The following CSMD1 variants were observed in gnomAD, a reference collection of about 807,000 sequenced individuals.
CSMD1 encodes CUB and sushi domain-containing protein 1.
CSMD1 carries 213 observed loss-of-function variants against 417.5 expected under a neutral mutation model. That is an observed-to-expected ratio of 0.51 (90% CI 0.46 to 0.57). CSMD1 has a LOEUF of 0.57. CSMD1 is among the 20% of genes least tolerant of loss of function. The probability of loss-of-function intolerance (pLI) is 0.00; values close to 1 mark genes in which losing one functional copy is unlikely to be tolerated. For synonymous variants in CSMD1, 2,862 were observed against 1,736.8 expected (o/e 1.65, Z -16.11); for missense variants, 6,923 against 4,529.7 (o/e 1.53, Z -15.17).
At chr8:4,562,041 T>C (rs998624085) in intron 2 of CSMD1, among the ~76,000 whole-genome samples, 3 of 152,184 alleles carry the variant, frequency 2.0e-5, no homozygotes, top group Non-Finnish European at 4.4e-5. Context: ...GCCGTACATA[T>C]TCAATGCAGC....
chr8:3,092,079 G>A (rs150325882), intron 47 of CSMD1, among the ~76,000 whole-genome samples: 1 of 151,918 alleles, frequency 6.6e-6, no homozygotes, highest in Non-Finnish European at 1.5e-5. Flanking sequence ...TAAAATTGAA[G>A]GTTTAATTAT....
intron 2 of CSMD1, among the ~76,000 whole-genome samples, chr8:4,451,805 A>C (rs998714555): frequency 1.3e-5 from 2 of 152,084 alleles, no homozygotes; most frequent in Non-Finnish European, 2.9e-5. Flanking sequence ...GCCATCTTAA[A>C]GGATGGGCTC....
intron 7 of CSMD1, among the ~76,000 whole-genome samples, chr8:3,651,171 G>C (rs1390000396): frequency 2.0e-5 from 3 of 152,028 alleles, no homozygotes; most frequent in African/African-American, 2.4e-5. Context: ...CTTTCCCCTG[G>C]TCTCTGTTCC....
At chr8:3,288,110 G>C (rs143988509) in intron 25 of CSMD1, among the ~76,000 whole-genome samples, 3 of 147,070 alleles carry the variant, frequency 2.0e-5, no homozygotes, top group Non-Finnish European at 2.9e-5. Context: ...TACATTTATC[G>C]ATTTTCATTT....
intron 52 of CSMD1, among the ~76,000 whole-genome samples, chr8:3,009,967 T>C (rs1298553450): frequency 6.6e-6 from 1 of 152,228 alleles, no homozygotes; most frequent in Non-Finnish European, 1.5e-5. Flanking sequence ...GCATTCTTTT[T>C]ATCTATTCCT....
chr8:4,075,920 T>TTA (rs773356874), intron 3 of CSMD1, among the ~76,000 whole-genome samples: 1 of 152,150 alleles, frequency 6.6e-6, no homozygotes, highest in Non-Finnish European at 1.5e-5. Flanking sequence ...CACTGGTACT[T>TTA]TATATATACT....
chr8:4,113,769 A>C (rs571259744), intron 3 of CSMD1, among the ~76,000 whole-genome samples: 1 of 152,286 alleles, frequency 6.6e-6, no homozygotes, highest in East Asian at 1.9e-4. Flanking sequence ...AGATGGAGAA[A>C]GTTTTCAAGT....
intron 1 of CSMD1, among the ~76,000 whole-genome samples, chr8:4,856,063 C>G (rs1360221096): frequency 6.6e-6 from 1 of 152,198 alleles, no homozygotes; most frequent in Non-Finnish European, 1.5e-5. Flanking sequence ...AACAGCGGAT[C>G]TCTCGACAGA....
At chr8:3,163,152 TA>T (rs1242546329) in intron 37 of CSMD1, among the ~76,000 whole-genome samples, 2 of 152,184 alleles carry the variant, frequency 1.3e-5, no homozygotes, top group African/African-American at 2.4e-5. Flanking sequence ...TTCATTTAAT[TA>T]AAAAATGCAT....
chr8:4,497,390 G>A (rs1025907814), intron 2 of CSMD1, among the ~76,000 whole-genome samples: 3 of 152,136 alleles, frequency 2.0e-5, no homozygotes, highest in African/African-American at 2.4e-5. Context: ...CTTAATAAAT[G>A]CTGTCAATGA....
intron 1 of CSMD1, among the ~76,000 whole-genome samples, chr8:4,882,752 T>A (rs1803492364): frequency 6.6e-6 from 1 of 151,872 alleles, no homozygotes; most frequent in African/African-American, 2.4e-5. Context: ...TTATAATAAT[T>A]ATCTTTTAAA....
At chr8:3,055,494 G>A (rs546079684) in intron 49 of CSMD1, among the ~76,000 whole-genome samples, 3 of 152,140 alleles carry the variant, frequency 2.0e-5, no homozygotes, top group African/African-American at 7.2e-5. Context: ...AGGCTCATGG[G>A]ATGAAGACAG....
At chr8:4,175,081 T>G (rs1053586206) in intron 3 of CSMD1, among the ~76,000 whole-genome samples, 1 of 151,966 alleles carries the variant, frequency 6.6e-6, no homozygotes, top group Non-Finnish European at 1.5e-5. Context: ...ACTTTTACTT[T>G]GCACTTTCAT....
intron 11 of CSMD1, among the ~76,000 whole-genome samples, chr8:3,481,739 TG>T (rs527781906): frequency 5.2e-4 from 79 of 152,292 alleles, no homozygotes; most frequent in African/African-American, 1.9e-3. Context: ...AGTGGGTTGA[TG>T]TGGCCACAAG....
chr8:3,716,214 C>T (rs2469307), intron 6 of CSMD1, among the ~76,000 whole-genome samples: 128,046 of 152,116 alleles, frequency 0.84, 54,212 homozygotes, highest in East Asian at 0.93. Flanking sequence ...TATTGCCATA[C>T]TGTGGCTGGA....
intron 48 of CSMD1, among the ~76,000 whole-genome samples, chr8:3,090,450 G>A (rs1814865641): frequency 1.3e-5 from 2 of 151,554 alleles, no homozygotes; most frequent in South Asian, 4.2e-4. Context: ...AAACCTTCCA[G>A]AGGAAGAATA....
chr8:4,274,296 G>C (rs1042605577), intron 3 of CSMD1, among the ~76,000 whole-genome samples: 3 of 152,098 alleles, frequency 2.0e-5, no homozygotes, highest in African/African-American at 7.2e-5. Context: ...ATAACGTGAA[G>C]TATCACCCAA....
intron 11 of CSMD1, among the ~76,000 whole-genome samples, chr8:3,490,034 G>C (rs577280019): frequency 2.0e-5 from 3 of 152,304 alleles, no homozygotes; most frequent in South Asian, 4.1e-4. Flanking sequence ...AAGAATGTTT[G>C]CATATAAGTA....
Position 3,869,887 on chromosome 8 carries a change from G to C in CSMD1, c.819-115845C>G, listed in dbSNP as rs146557596. Among the ~76,000 whole-genome samples the C allele has an allele frequency of 3.6e-3, 540 of 151,952 alleles. 1 individual carries two copies. The highest frequency in any genetic ancestry group is 0.012 in the African/African-American group (507 of 41,216). On this transcript the variant is annotated intron_variant, in intron 5 of 69. Transcript: ENST00000635120. ...TTACTGATCTAATTTTGTATCAGTA[G>C]TGCTTGAAGGGCTTAAAGGAAAAAC...
Sources: allele counts gnomAD v4.1 joint callset (sites outside exome capture counted in the v4.1 genomes callset), GRCh38; gene constraint gnomAD v4.1.1; transcripts MANE v1.5; gene names NCBI Gene and HGNC (gene_info 2026-07-23, HGNC 2026-07-21).